TCF7L2: variants seen among roughly 807,000 people sequenced by gnomAD.
TCF7L2 encodes the protein transcription factor 7-like 2.
Under a neutral mutation model 77.9 loss-of-function variants are expected in TCF7L2, and 23 were observed. The observed-to-expected ratio is 0.30, with a 90% confidence interval of 0.21 to 0.42. The LOEUF is 0.42. Among genes scored for constraint, TCF7L2 ranks in the 10% least tolerant of loss-of-function variants. The pLI is 1.00. For synonymous variants in TCF7L2, 413 were observed against 340.2 expected (o/e 1.21, Z -2.36); for missense variants, 654 against 793.1 (o/e 0.82, Z 2.11).
chr10:113,049,068 T>A (rs1176610481), intron 5 of TCF7L2, among the ~76,000 whole-genome samples: 1 of 152,122 alleles, frequency 6.6e-6, no homozygotes, highest in Non-Finnish European at 1.5e-5. Flanking sequence ...AGTGTATTGC[T>A]ATGTCCAGTT....
chr10:113,108,052 T>TC (rs77692769), intron 5 of TCF7L2, among the ~76,000 whole-genome samples: 21,093 of 152,140 alleles, frequency 0.14, 1,676 homozygotes, highest in East Asian at 0.35. Flanking sequence ...TTCTTGGTCT[T>TC]CCTTTGAGAG....
chr10:113,004,142 T>C (rs948958410), intron 4 of TCF7L2, among the ~76,000 whole-genome samples: 9 of 152,274 alleles, frequency 5.9e-5, no homozygotes, highest in African/African-American at 1.9e-4. Context: ...GAGGGCGGAC[T>C]TTTTATTGGA....
At position 113,050,004 on chromosome 10, in the gene TCF7L2, G is replaced by T. The variant is rs141361988; in HGVS notation, c.552+9878G>T. 1.4e-3 allele frequency among the ~76,000 whole-genome samples: 215 copies of T among 152,262 alleles called. 1 individual carries two copies. The highest frequency in any genetic ancestry group is 1.2e-3 in the Admixed American group (19 of 15,288). On this transcript the variant is annotated intron_variant, in intron 5 of 13. Transcript: ENST00000627217. ...TGGGACCCAGATGCTTCCCAACTGT[G>T]CCACATCTGAGCCCTGCATGCCATC...
chr10:113,043,306 G>C (rs143504992), intron 5 of TCF7L2, among the ~76,000 whole-genome samples: 66 of 152,242 alleles, frequency 4.3e-4, no homozygotes, highest in African/African-American at 1.6e-3. Context: ...ATTTTCATGT[G>C]GTATGTGGGT....
intron 5 of TCF7L2, among the ~76,000 whole-genome samples, chr10:113,088,236 A>G (rs965724127): frequency 6.6e-6 from 1 of 152,084 alleles, no homozygotes; most frequent in Non-Finnish European, 1.5e-5. Context: ...TCTCTTGTTT[A>G]TAGAGCCTGT....
rs2136990260 is a variant in TCF7L2 at position 113,146,063 on chromosome 10, C to G, written c.841C>G (p.Pro281Ala). ...GACAGGAGGATTCAGACACCCCTACCCCACAGCTCTGACCGTCAATGCTTC... is the reference window on the plus strand; with the variant it reads ...GACAGGAGGATTCAGACACCCCTACGCCACAGCTCTGACCGTCAATGCTTC... The change falls in exon 8 of 14, where the codon CCC (proline) becomes GCC (alanine). Residue 281 changes from proline to alanine, a missense_variant. Physicochemically the swap from Pro to Ala is conservative, Grantham distance 27. Coordinates refer to ENST00000627217, the MANE Select transcript of TCF7L2 (RefSeq NM_001146274.2). The G allele has an allele frequency of 1.2e-6, 2 of 1,613,606 alleles. No individual in the cohort carries two copies. The highest frequency in any genetic ancestry group is 1.7e-6 in the Non-Finnish European group (2 of 1,179,878).
At chr10:112,969,951 T>A (rs541596272) in intron 4 of TCF7L2, among the ~76,000 whole-genome samples, 1 of 152,184 alleles carries the variant, frequency 6.6e-6, no homozygotes, top group Non-Finnish European at 1.5e-5. Flanking sequence ...CTATGAGCAC[T>A]GTTGTGATGA....
intron 5 of TCF7L2, among the ~76,000 whole-genome samples, chr10:113,066,199 C>A (rs1043822906): frequency 6.6e-6 from 1 of 151,872 alleles, no homozygotes; most frequent in African/African-American, 2.4e-5. Context: ...CCTGTCTCTA[C>A]TAAAAATAAA....
chr10:113,160,562 C>A, intron 12 of TCF7L2: 1 of 1,493,812 alleles, frequency 6.7e-7, no homozygotes, highest in South Asian at 1.3e-5. Flanking sequence ...ATTTCACATC[C>A]AACTGAGCAC....
intron 8 of TCF7L2, among the ~76,000 whole-genome samples, chr10:113,146,553 A>C (rs889139192): frequency 1.3e-5 from 2 of 152,146 alleles, no homozygotes; most frequent in Non-Finnish European, 2.9e-5. Flanking sequence ...ACTGTCCAAT[A>C]GAAATATAGT....
At chr10:113,103,858 A>G (rs926301152) in intron 5 of TCF7L2, among the ~76,000 whole-genome samples, 3 of 152,182 alleles carry the variant, frequency 2.0e-5, no homozygotes, top group African/African-American at 7.2e-5. Context: ...AGTTTCCATT[A>G]TATGGACAGA....
intron 5 of TCF7L2, among the ~76,000 whole-genome samples, chr10:113,093,438 C>T (rs750466923): frequency 1.7e-4 from 26 of 152,296 alleles, no homozygotes; most frequent in Admixed American, 3.9e-4. Flanking sequence ...GGTGTTTGAT[C>T]CTTTTCTTCA....
intron 4 of TCF7L2, among the ~76,000 whole-genome samples, chr10:112,997,211 A>G (rs915625552): frequency 1.1e-4 from 16 of 152,240 alleles, no homozygotes; most frequent in Non-Finnish European, 2.1e-4. Context: ...AGCTGGTAGA[A>G]TGTTTCTCAA....
At chr10:112,955,158 C>T (rs57255539) in intron 3 of TCF7L2, among the ~76,000 whole-genome samples, 2 of 151,922 alleles carry the variant, frequency 1.3e-5, no homozygotes, top group Non-Finnish European at 2.9e-5. Context: ...TTCCAAGCCC[C>T]TACATAACAA....
At chr10:113,083,166 T>TA (rs761760477) in intron 5 of TCF7L2, among the ~76,000 whole-genome samples, 2 of 151,792 alleles carry the variant, frequency 1.3e-5, no homozygotes, top group Non-Finnish European at 2.9e-5. Context: ...GGCTGTGTGC[T>TA]ATGGAGGTAG....
At chr10:112,960,985 G>A (rs889757958) in intron 3 of TCF7L2, among the ~76,000 whole-genome samples, 8 of 152,040 alleles carry the variant, frequency 5.3e-5, no homozygotes, top group South Asian at 4.1e-4. Flanking sequence ...GAGCCATTGC[G>A]CCCAGCCTGG....
At chr10:113,059,010 A>G (rs2055913632) in intron 5 of TCF7L2, among the ~76,000 whole-genome samples, 1 of 152,082 alleles carries the variant, frequency 6.6e-6, no homozygotes, top group South Asian at 2.1e-4. Flanking sequence ...CACTAATGCA[A>G]CCGCCCCCCA....
chr10:113,099,438 G>T (rs951148852), intron 5 of TCF7L2, among the ~76,000 whole-genome samples: 3 of 152,196 alleles, frequency 2.0e-5, no homozygotes, highest in African/African-American at 7.2e-5. Flanking sequence ...CAAGAGGAGA[G>T]CATCCAAGCC....
At chr10:112,959,898 T>C (rs898959228) in intron 3 of TCF7L2, among the ~76,000 whole-genome samples, 2 of 152,046 alleles carry the variant, frequency 1.3e-5, no homozygotes, top group African/African-American at 2.4e-5. Context: ...ACATGGAAAT[T>C]AGATTTCAAG....
Sources: gnomAD v4.1 joint callset for allele counts (sites outside exome capture counted in the v4.1 genomes callset) on GRCh38, gnomAD v4.1.1 for gene constraint, MANE v1.5 for transcripts, NCBI Gene and HGNC (gene_info 2026-07-23, HGNC 2026-07-21) for gene names.